The following EHBP1 variants were observed in gnomAD, a reference collection of about 807,000 sequenced individuals.
EHBP1 encodes EH domain-binding protein 1.
EHBP1 carries 55 observed loss-of-function variants against 144.0 expected under a neutral mutation model. That is an observed-to-expected ratio of 0.38 (90% CI 0.31 to 0.48). EHBP1 has a LOEUF of 0.48. EHBP1 is among the 20% of genes least tolerant of loss of function. The pLI, the probability that EHBP1 is intolerant of heterozygous loss-of-function variation, is 0.98. For missense variants in EHBP1, 1,200 were observed against 1,364.2 expected, an observed-to-expected ratio of 0.88 and a Z score of 1.90; for synonymous variants, 469 against 472.7, an observed-to-expected ratio of 0.99 and a Z score of 0.10.
chr2:62,951,307 A>G (rs2057369053), intron 13 of EHBP1, among the ~76,000 whole-genome samples: 1 of 152,296 alleles, frequency 6.6e-6, no homozygotes, highest in East Asian at 1.9e-4. Flanking sequence ...GAAAGAATTT[A>G]TATCTTAGAA....
At chr2:63,029,018 A>G (rs1452065738) in intron 19 of EHBP1, among the ~76,000 whole-genome samples, 2 of 152,202 alleles carry the variant, frequency 1.3e-5, no homozygotes, top group Admixed American at 1.3e-4. Context: ...ATAACCAGCA[A>G]ACTTGTAGAT....
intron 2 of EHBP1, among the ~76,000 whole-genome samples, chr2:62,738,497 C>T (rs1464494073): frequency 6.6e-6 from 1 of 152,114 alleles, no homozygotes; most frequent in Non-Finnish European, 1.5e-5. Context: ...AACAGTTAAA[C>T]ACATTGGTAA....
intron 8 of EHBP1, among the ~76,000 whole-genome samples, chr2:62,861,631 G>T (rs2152802585): frequency 6.6e-6 from 1 of 151,730 alleles, no homozygotes; most frequent in East Asian, 2.0e-4. Context: ...AATCCCAGCT[G>T]TTTGGGAGGC....
chr2:62,802,959 A>G (rs1347899674), intron 5 of EHBP1, among the ~76,000 whole-genome samples: 1 of 152,124 alleles, frequency 6.6e-6, no homozygotes, highest in East Asian at 1.9e-4. Context: ...TCCTGACCTC[A>G]GGTGATCCGC....
intron 12 of EHBP1, among the ~76,000 whole-genome samples, chr2:62,947,492 GA>G (rs978678054): frequency 1.8e-4 from 27 of 152,244 alleles, no homozygotes; most frequent in African/African-American, 6.3e-4. Context: ...CTTTCTCTGA[GA>G]GTATATCTAA....
At chr2:62,746,481 A>G (rs998508968) in intron 2 of EHBP1, among the ~76,000 whole-genome samples, 1 of 152,050 alleles carries the variant, frequency 6.6e-6, no homozygotes, top group African/African-American at 2.4e-5. Flanking sequence ...AGGACATAGA[A>G]AGTGGTGAAG....
At chr2:62,924,854 G>A (rs1304950454) in intron 10 of EHBP1, among the ~76,000 whole-genome samples, 1 of 152,086 alleles carries the variant, frequency 6.6e-6, no homozygotes, top group Admixed American at 6.6e-5. Context: ...CTTTCTATGA[G>A]GCCAGCATAA....
chr2:62,868,162 G>A (rs2050184881), intron 9 of EHBP1, among the ~76,000 whole-genome samples: 1 of 152,086 alleles, frequency 6.6e-6, no homozygotes, highest in Non-Finnish European at 1.5e-5. Flanking sequence ...ATCACTTTAG[G>A]TCAGGAGTTC....
intron 3 of EHBP1, among the ~76,000 whole-genome samples, chr2:62,759,350 C>G (rs1033060441): frequency 6.6e-6 from 1 of 152,152 alleles, no homozygotes; most frequent in East Asian, 1.9e-4. Flanking sequence ...TTCTATTACT[C>G]AGAATGAAAA....
intron 1 of EHBP1, among the ~76,000 whole-genome samples, chr2:62,681,340 G>GTATATATATATATGTATATATATATA (rs1553363735): frequency 1.7e-5 from 1 of 58,554 alleles, no homozygotes; most frequent in Non-Finnish European, 3.0e-5. Flanking sequence ...ATGTGTGTGT[G>GTATATATATATATGTATATATATATA]TATATATATA....
At chr2:62,804,683 G>C (rs1456281085) in intron 5 of EHBP1, among the ~76,000 whole-genome samples, 1 of 152,166 alleles carries the variant, frequency 6.6e-6, no homozygotes, top group Non-Finnish European at 1.5e-5. Context: ...TGGGGATTGG[G>C]AGTACCAATC....
chr2:62,733,053 A>C (rs1480802765), intron 2 of EHBP1, among the ~76,000 whole-genome samples: 1 of 152,136 alleles, frequency 6.6e-6, no homozygotes, highest in African/African-American at 2.4e-5. Flanking sequence ...AGTTGTTCTA[A>C]ATTTCAGTTC....
chr2:62,694,510 A>G (rs1572876725), intron 1 of EHBP1, among the ~76,000 whole-genome samples: 2 of 152,102 alleles, frequency 1.3e-5, no homozygotes, highest in Non-Finnish European at 2.9e-5. Flanking sequence ...GACAAAAAAA[A>G]AAAAACTTCT....
intron 2 of EHBP1, among the ~76,000 whole-genome samples, chr2:62,716,177 G>A (rs1367951297): frequency 3.5e-5 from 5 of 143,470 alleles, no homozygotes; most frequent in South Asian, 2.5e-4. Flanking sequence ...TTTCTGCCCC[G>A]CAACCCCCCA....
At chr2:62,780,034 C>T (rs1315995280) in intron 5 of EHBP1, among the ~76,000 whole-genome samples, 1 of 151,962 alleles carries the variant, frequency 6.6e-6, no homozygotes, top group Admixed American at 6.6e-5. Flanking sequence ...AGCTTAAGAA[C>T]GTGGTTAAGA....
rs143910459 is a variant in EHBP1, at chr2:62,897,962, C to A, written c.1185+23430C>A. 5.9e-5 allele frequency among the ~76,000 whole-genome samples: 9 copies of A among 152,242 alleles called. No individual in the cohort carries two copies. The East Asian group carries it at 1.7e-3, about 29-fold the overall frequency. ...AAGCATGGCTAGTTTCTCTAAAGAG[C>A]TGAATTTTACAGAGTGAAAAATAAA... On this transcript the variant is annotated intron_variant, in intron 10 of 22. Transcript: ENST00000431489.
intron 5 of EHBP1, among the ~76,000 whole-genome samples, chr2:62,820,268 T>A (rs1471505282): frequency 6.8e-6 from 1 of 147,206 alleles, no homozygotes; most frequent in Non-Finnish European, 1.5e-5. Flanking sequence ...AAGAAACAAA[T>A]TTTTAAAATG....
intron 3 of EHBP1, among the ~76,000 whole-genome samples, chr2:62,756,453 A>G (rs1411043141): frequency 6.6e-6 from 1 of 152,168 alleles, no homozygotes; most frequent in Non-Finnish European, 1.5e-5. Context: ...AGTATGATGC[A>G]GTATGTTCAT....
At chr2:62,970,209 T>G (rs1044851469) in intron 14 of EHBP1, among the ~76,000 whole-genome samples, 22 of 152,066 alleles carry the variant, frequency 1.4e-4, no homozygotes, top group African/African-American at 5.3e-4. Context: ...AGGAATTTCA[T>G]GGACCATTTT....
Sources: allele counts gnomAD v4.1 joint callset (sites outside exome capture counted in the v4.1 genomes callset), GRCh38; gene constraint gnomAD v4.1.1; transcripts MANE v1.5; gene names NCBI Gene and HGNC (gene_info 2026-07-23, HGNC 2026-07-21).